The following NUTM2E variants were observed in gnomAD, a reference collection of about 807,000 sequenced individuals.
NUTM2E encodes the protein NUT family member 2E, also known as family with sequence similarity 22, member E.
Under a neutral mutation model 26.1 loss-of-function variants are expected in NUTM2E, and 3 were observed. That is an observed-to-expected ratio of 0.12 (90% CI 0.05 to 0.30). NUTM2E has a LOEUF of 0.30. Ranked by LOEUF, NUTM2E falls within the 10% of genes least tolerant of loss-of-function variation. The pLI is 1.00. For missense variants in NUTM2E, 62 were observed against 381.3 expected (o/e 0.16, Z 6.97); for synonymous variants, 13 against 157.5 (o/e 0.08, Z 6.87).
In NUTM2E at chr10:79,834,371, TTAA is replaced by T. The variant is rs370542003; in HGVS notation, c.-2727-3932_-2727-3930del. Among the ~76,000 whole-genome samples, 360 of 151,914 alleles carry T rather than the reference TTAA, an allele frequency of 2.4e-3. 8 individuals carry two copies. The South Asian group carries it at 0.05, about 21-fold the overall frequency. ...TCATAAAAAGAAAGAAATGTTTTCA[TTAA>T]TAATATTTCTCACCTTTTCTAGATA... On this transcript the variant is annotated intron_variant, in intron 1 of 9. Coordinates refer to ENST00000429984, the MANE Select transcript of NUTM2E (RefSeq NM_001355263.2).
intron 1 of NUTM2E, among the ~76,000 whole-genome samples, chr10:79,830,418 CAA>C (rs1393752615): frequency 6.6e-6 from 1 of 151,442 alleles, no homozygotes; most frequent in Non-Finnish European, 1.5e-5. Context: ...ACAGAATTAA[CAA>C]AGATGTATCA....
chr10:79,834,927 C>G (rs1417719176), intron 1 of NUTM2E, among the ~76,000 whole-genome samples: 1 of 151,608 alleles, frequency 6.6e-6, no homozygotes, highest in Non-Finnish European at 1.5e-5. Context: ...ATCTTTCTCT[C>G]TGTGTGTTTC....
intron 1 of NUTM2E, among the ~76,000 whole-genome samples, chr10:79,833,314 C>T (rs1841938588): frequency 6.6e-6 from 1 of 151,506 alleles, no homozygotes; most frequent in Non-Finnish European, 1.5e-5. Flanking sequence ...TCAGAACATA[C>T]TCACTCCGAT....
In NUTM2E at chr10:79,850,155, G is replaced by A; in HGVS notation, c.2186G>A (p.Gly729Asp). 1.0e-6 allele frequency: 1 copy of A among 1,004,258 alleles called. No individual in the cohort carries two copies. Among genetic ancestry groups the A allele is most frequent in the South Asian group, 1.3e-5 (1 of 74,256 alleles). 62.2% of individuals were successfully genotyped at this position (1,004,258 alleles called of 1,614,324 possible). A position where few individuals can be genotyped will look rare whatever the true frequency, so the allele number is the denominator to read the frequency against. Residue 729 changes from glycine to aspartate, a missense_variant, in exon 10 of 10, where the codon GGT (glycine) becomes GAT (aspartate). Gly to Asp is a moderately conservative substitution (Grantham distance 94, BLOSUM62 -1). Coordinates refer to ENST00000429984, the MANE Select transcript of NUTM2E (RefSeq NM_001355263.2). ...QDHRPTCPGV[G>D]TKDALDLPGG... Reference sequence around the variant, plus strand: ...CACAGACCCACCTGCCCTGGCGTGGGTACCAAGGATGCCTTGGATCTCCCT... The same window carrying A: ...CACAGACCCACCTGCCCTGGCGTGGATACCAAGGATGCCTTGGATCTCCCT...
At chr10:79,848,945 T>C in intron 8 of NUTM2E, 50 bp downstream of exon 8, 1 of 623,096 alleles carries the variant, frequency 1.6e-6, no homozygotes, top group Non-Finnish European at 2.5e-6. Flanking sequence ...GGGCTGGCAC[T>C]CCCAGGTCCT....
chr10:79,836,462 A>G (rs1190383056), intron 1 of NUTM2E, among the ~76,000 whole-genome samples: 1 of 151,968 alleles, frequency 6.6e-6, no homozygotes, highest in African/African-American at 2.4e-5. Flanking sequence ...TAGTAGTTTT[A>G]TAGCTACATA....
In NUTM2E at chr10:79,831,862, G is replaced by A. The variant is rs565774543; in HGVS notation, c.-2728+4505G>A. Among the ~76,000 whole-genome samples the A allele has an allele frequency of 2.6e-3, 393 of 151,022 alleles. 1 individual carries two copies. The highest frequency in any genetic ancestry group is 9.2e-3 in the African/African-American group (382 of 41,308). On this transcript the variant is annotated intron_variant, in intron 1 of 9. Coordinates refer to ENST00000429984, the MANE Select transcript of NUTM2E (RefSeq NM_001355263.2). The stretch of plus-strand genomic sequence containing the variant: ...CTTTGGGCTGTTAAAACAAATTACC[G>A]TAGACTGGGTGACTTAATCACAAAA...
At chr10:79,829,663 G>A (rs1423426346) in intron 1 of NUTM2E, among the ~76,000 whole-genome samples, 1 of 151,870 alleles carries the variant, frequency 6.6e-6, no homozygotes. Context: ...TAGTCCAATA[G>A]GAAATACGTA....
chr10:79,845,886 C>T (rs1290028626), intron 5 of NUTM2E, among the ~76,000 whole-genome samples: 2 of 42,308 alleles, frequency 4.7e-5, no homozygotes, highest in African/African-American at 1.4e-4. Context: ...CATTTTCATC[C>T]CCCAAAATCT....
intron 1 of NUTM2E, among the ~76,000 whole-genome samples, chr10:79,828,902 A>G (rs1265889832): frequency 6.6e-6 from 1 of 151,880 alleles, no homozygotes; most frequent in African/African-American, 2.4e-5. Flanking sequence ...ATTAGCTGTC[A>G]TTATTCCTAG....
At chr10:79,832,393 ATATTC>A (rs911439854) in intron 1 of NUTM2E, among the ~76,000 whole-genome samples, 3 of 151,686 alleles carry the variant, frequency 2.0e-5, no homozygotes, top group African/African-American at 7.3e-5. Flanking sequence ...TAATAAGAAA[ATATTC>A]TATTGATCCT....
chr10:79,830,263 A>T (rs1275480339), intron 1 of NUTM2E, among the ~76,000 whole-genome samples: 1 of 151,814 alleles, frequency 6.6e-6, no homozygotes, highest in Non-Finnish European at 1.5e-5. Context: ...AGAATAAAAA[A>T]GATTCTATTA....
intron 1 of NUTM2E, among the ~76,000 whole-genome samples, chr10:79,836,122 T>C (rs1841961197): frequency 6.6e-6 from 1 of 151,502 alleles, no homozygotes; most frequent in Non-Finnish European, 1.5e-5. Flanking sequence ...AGTGGAGAAA[T>C]AGCATATGTA....
chr10:79,831,883 C>G (rs2475682), intron 1 of NUTM2E, among the ~76,000 whole-genome samples: 136,845 of 149,396 alleles, frequency 0.92, 62,408 homozygotes, highest in East Asian at 1. Flanking sequence ...GACTTAATCA[C>G]AAAACGCGTG....
At chr10:79,830,376 A>G (rs1841919541) in intron 1 of NUTM2E, among the ~76,000 whole-genome samples, 1 of 151,816 alleles carries the variant, frequency 6.6e-6, no homozygotes, top group Non-Finnish European at 1.5e-5. Context: ...ATGAAAACAG[A>G]AAAATAAATA....
At chr10:79,834,625 G>A (rs1184553835) in intron 1 of NUTM2E, among the ~76,000 whole-genome samples, 2 of 148,528 alleles carry the variant, frequency 1.3e-5, no homozygotes, top group South Asian at 2.1e-4. Context: ...CCCAGATCAC[G>A]CCACCATACT....
chr10:79,827,809 GTTT>G lies in NUTM2E; in HGVS notation c.-2728+459_-2728+461del, dbSNP rs1218432352. Among the ~76,000 whole-genome samples the G allele has an allele frequency of 3.7e-4, 23 of 61,844 alleles. 1 individual carries two copies. Among genetic ancestry groups the G allele is most frequent in the African/African-American group, 1.6e-3 (23 of 14,146 alleles). 40.6% of individuals were successfully genotyped at this position (61,844 alleles called of 152,430 possible). ...GTTTTTTTTTTGTTTTTTTTTTTTT[GTTT>G]TTTTTTGTGATACGGAGTTTTGCTA... On this transcript the variant is annotated intron_variant, in intron 1 of 9. Transcript: ENST00000429984.
In NUTM2E at chr10:79,838,778, A is replaced by G. The variant is rs1841980153; in HGVS notation, c.-2449-2A>G. Among the ~76,000 whole-genome samples, 1 of 151,862 alleles carries G rather than the reference A, an allele frequency of 6.6e-6. No homozygotes were observed. The highest frequency in any genetic ancestry group is 2.4e-5 in the African/African-American group (1 of 41,380). On this transcript the variant is annotated splice_acceptor_variant, in intron 2 of 9. Transcript: ENST00000429984. LOFTEE classifies it low-confidence loss of function (5UTR_SPLICE). ...TCTGATCACCCTTGGCTTTATTTTT[A>G]GGTAACACCAAGAAGGACGCCATGA...
chr10:79,833,756 G>C (rs1254338917), intron 1 of NUTM2E, among the ~76,000 whole-genome samples: 13 of 151,884 alleles, frequency 8.6e-5, no homozygotes, highest in Non-Finnish European at 1.8e-4. Flanking sequence ...GTTTTACACT[G>C]TTGGTGGGAG....
Sources: allele counts gnomAD v4.1 joint callset (sites outside exome capture counted in the v4.1 genomes callset), GRCh38; gene constraint gnomAD v4.1.1; transcripts MANE v1.5; gene names NCBI Gene and HGNC (gene_info 2026-07-23, HGNC 2026-07-21).